Variants in RPTN observed in about 807,000 individuals in gnomAD.
RPTN encodes the protein intermediate filament-associated protein.
A neutral mutation model predicts 3.6 loss-of-function variants in RPTN; 4 were observed. The observed-to-expected ratio is 1.12, with a 90% CI of 0.55 to 2.55. The LOEUF (loss-of-function observed/expected upper bound fraction) is 2.55, where lower values mean the gene tolerates loss of function less well. RPTN is among the 30% of genes most tolerant of loss of function. The probability of loss-of-function intolerance (pLI) is 0.02; values close to 1 mark genes in which losing one functional copy is unlikely to be tolerated. For missense variants in RPTN, 860 were observed against 916.7 expected (o/e 0.94, Z 0.80); for synonymous variants, 293 against 319.3 (o/e 0.92, Z 0.88).
Position 152,154,650 on chromosome 1 carries a change from G to C in RPTN, c.*94C>G. The C allele has an allele frequency of 6.6e-7, 1 of 1,509,498 alleles. No homozygotes were observed. Among genetic ancestry groups the C allele is most frequent in the Non-Finnish European group, 8.9e-7 (1 of 1,119,254 alleles). The allele number at this position is 1,509,498 out of a possible 1,614,324, so 93.5% of individuals were successfully genotyped here. A position where few individuals can be genotyped will look rare whatever the true frequency, so the allele number is the denominator to read the frequency against. ...CTTCTGTGGGTCACTTGGGATTTTT[G>C]ATTCTGAGATCCTTGATACCTCTCT... is the stretch of plus-strand genomic sequence containing the variant. On this transcript the variant is annotated 3_prime_UTR_variant, in exon 3 of 3. Transcript: ENST00000316073.
rs770379615 is a variant in RPTN at position 152,156,967 on chromosome 1, G to A, written c.139-7C>T. 6.2e-7 allele frequency: 1 copy of A among 1,605,024 alleles called. No individual in the cohort carries two copies. The highest frequency in any genetic ancestry group is 1.1e-5 in the South Asian group (1 of 89,638). ...TCTCTGGGTCATTTGGTCTCTGTTA[G>A]GAGATAAAACAAAGAGCAAAATCAG... On this transcript the variant is annotated splice_polypyrimidine_tract_variant and splice_region_variant and intron_variant, in intron 2 of 2. Coordinates refer to ENST00000316073, the MANE Select transcript of RPTN (RefSeq NM_001122965.1).
chr1:152,157,765 C>T lies in RPTN; in HGVS notation c.125G>A (p.Gly42Glu), dbSNP rs1429105342. 6.2e-7 allele frequency: 1 copy of T among 1,613,954 alleles called. No individual in the cohort carries two copies. The highest frequency in any genetic ancestry group is 1.1e-5 in the South Asian group (1 of 91,062). Residue 42 changes from glycine (G) to glutamate (E), a missense_variant, in exon 2 of 3, where the codon GGA becomes GAA. Physicochemically the swap from Gly to Glu is moderately conservative, Grantham distance 98 (BLOSUM62 -2). Coordinates refer to ENST00000316073, the MANE Select transcript of RPTN (RefSeq NM_001122965.1). ...TGTGTATCTTACCTGGAGGATGTCT[C>T]CAAACTCAGCCAAGAGCAGTTGTTT... ...ELKQLLLAEF[G>E]DILQRPNDPE...
rs767168447 is a variant in RPTN at position 152,154,713 on chromosome 1, G to A, written c.*31C>T. ...TTTTGTCTATTATGTTGTTGCTGAT[G>A]GTTTTGATCCTCTTCATGAGTTTGC... On this transcript the variant is annotated 3_prime_UTR_variant, in exon 3 of 3. Transcript: ENST00000316073. 6.2e-7 allele frequency: 1 copy of A among 1,608,684 alleles called. No homozygotes were observed. The highest frequency in any genetic ancestry group is 8.5e-7 in the Non-Finnish European group (1 of 1,176,914).
Position 152,156,501 on chromosome 1 carries a change from G to T in RPTN, c.598C>A (p.Gln200Lys), listed in dbSNP as rs554336591. The change falls in exon 3 of 3, where the codon CAA becomes AAA. Residue 200 changes from glutamine (Q) to lysine (K), a missense_variant. Physicochemically the swap from Gln to Lys is moderately conservative, Grantham distance 53. Transcript: ENST00000316073. Reference protein sequence around the residue: ...KDFSFDQSERQSQDSSSGKKV... With the variant: ...KDFSFDQSERKSQDSSSGKKV... The stretch of plus-strand genomic sequence containing the variant: ...TTACCAGAGCTGGAGTCTTGACTTT[G>T]TCTCTCTGACTGATCAAAGCTGAAA... 6.2e-7 allele frequency: 1 copy of T among 1,614,222 alleles called. No individual in the cohort carries two copies. The highest frequency in any genetic ancestry group is 1.3e-5 in the African/African-American group (1 of 75,052).
rs369805852 is a variant in RPTN, at chr1:152,156,616, A to G, written c.483T>C (p.Ser161=). 1.4e-5 allele frequency: 15 copies of G among 1,040,742 alleles called. No individual in the cohort carries two copies. The African/African-American group carries it at 3.1e-4, about 21-fold the overall frequency. 64.5% of individuals were successfully genotyped at this position (1,040,742 alleles called of 1,614,324 possible). The stretch of plus-strand genomic sequence containing the variant: ...GGTGGGAATCTCTGTCTTGTTTCTC[A>G]GACTGACCATGGTGGGAATCTCTGT... ...RQDRDSHHGQ[S]EKQDRDSHHS... The change falls in exon 3 of 3, where the codon TCT becomes TCC. Residue 161 remains serine, a synonymous_variant. Coordinates refer to ENST00000316073, the MANE Select transcript of RPTN (RefSeq NM_001122965.1).
rs1481177087 is a variant in RPTN, at chr1:152,156,973, A to G, written c.139-13T>C. 1 of 1,600,742 alleles carries G rather than the reference A, an allele frequency of 6.2e-7. No individual in the cohort carries two copies. The highest frequency in any genetic ancestry group is 1.1e-5 in the South Asian group (1 of 88,890). On this transcript the variant is annotated splice_polypyrimidine_tract_variant and intron_variant, in intron 2 of 2. Coordinates refer to ENST00000316073, the MANE Select transcript of RPTN (RefSeq NM_001122965.1). ...GGTCATTTGGTCTCTGTTAGGAGATAAAACAAAGAGCAAAATCAGATGCTG... is the reference window on the plus strand; with the variant it reads ...GGTCATTTGGTCTCTGTTAGGAGATGAAACAAAGAGCAAAATCAGATGCTG...
At chr1:152,158,987 G>T (rs573028235) in intron 1 of RPTN, among the ~76,000 whole-genome samples, 197 bp downstream of exon 1, 14 of 152,250 alleles carry the variant, frequency 9.2e-5, no homozygotes, top group Admixed American at 2.6e-4. Context: ...TGAAGTGAAG[G>T]CATTTGCATT....
Position 152,155,264 on chromosome 1 carries a change from T to G in RPTN, c.1835A>C (p.Gln612Pro). The change falls in exon 3 of 3, where the codon CAA becomes CCA. Residue 612 changes from glutamine (Q) to proline (P), a missense_variant. Coordinates refer to ENST00000316073, the MANE Select transcript of RPTN (RefSeq NM_001122965.1). ...ACTTAGCCTCCCTGATCTTCCTGAT[T>G]GTTCAACATAAGAGGCTTTTCTTGT... ...EGTRKASYVE[Q>P]SGRSGRLSQQ... The G allele has an allele frequency of 6.2e-7, 1 of 1,614,242 alleles. No individual in the cohort carries two copies. The highest frequency in any genetic ancestry group is 8.5e-7 in the Non-Finnish European group (1 of 1,180,040).
In RPTN at chr1:152,156,791, C is replaced by T; in HGVS notation, c.308G>A (p.Arg103Lys). Reference sequence around the variant, plus strand: ...ACAGTCTTGTGCTCCTTCCTGCCCCCTTTCTTGCTGTGAGGTCCTGCCTCC... The same window carrying T: ...ACAGTCTTGTGCTCCTTCCTGCCCCTTTTCTTGCTGTGAGGTCCTGCCTCC... ...SHGGRTSQQE[R>K]GQEGAQDCKF... The change falls in exon 3 of 3, where the codon AGG (arginine) becomes AAG (lysine). Residue 103 changes from arginine (R) to lysine (K), a missense_variant. Transcript: ENST00000316073. 6.2e-7 allele frequency: 1 copy of T among 1,614,190 alleles called. No homozygotes were observed. Among genetic ancestry groups the T allele is most frequent in the Non-Finnish European group, 8.5e-7 (1 of 1,180,026 alleles).
chr1:152,158,500 A>G (rs116507158), intron 1 of RPTN, among the ~76,000 whole-genome samples: 2,255 of 152,322 alleles, frequency 0.015, 66 homozygotes, highest in African/African-American at 0.051. Flanking sequence ...ATCAATGAAT[A>G]TAAAAGCTGT....
rs975960707 is a variant in RPTN at position 152,156,193 on chromosome 1, G to T, written c.906C>A (p.Asp302Glu). 3 of 1,613,168 alleles carry T rather than the reference G, an allele frequency of 1.9e-6. No homozygotes were observed. The Admixed American group carries it at 5.0e-5, about 27-fold the overall frequency. The change falls in exon 3 of 3, where the codon GAC becomes GAA. Residue 302 changes from aspartate (D) to glutamate (E), a missense_variant. Transcript: ENST00000316073. ...CTGTCTGACCATAATGATAACTCTG[G>T]TCTTGTCTGTCCGTCTGACCGTAGT... ...SSHYGQTDRQ[D>E]QSYHYGQTDR...
Position 152,156,293 on chromosome 1 carries a change from G to A in RPTN, c.806C>T (p.Ser269Phe), listed in dbSNP as rs1221700686. 2 of 1,614,222 alleles carry A rather than the reference G, an allele frequency of 1.2e-6. No individual in the cohort carries two copies. The highest frequency in any genetic ancestry group is 2.2e-5 in the East Asian group (1 of 44,884). ...FNQTNQQKSG[S>F]YCGQSERLGQ... The stretch of plus-strand genomic sequence containing the variant: ...TAGCCTCTCAGACTGTCCACAATAA[G>A]AGCCTGATTTCTGTTGATTTGTCTG... The change falls in exon 3 of 3, where the codon TCT becomes TTT. Residue 269 changes from serine (S) to phenylalanine (F), a missense_variant. Transcript: ENST00000316073.
At chr1:152,158,061 G>A (rs570560664) in intron 1 of RPTN, among the ~76,000 whole-genome samples, 152 bp from the exon 2 acceptor site, 360 of 152,232 alleles carry the variant, frequency 2.4e-3, no homozygotes, top group South Asian at 4.8e-3. Flanking sequence ...CTGACTCACA[G>A]TCGGGGACCA....
Position 152,157,743 on chromosome 1 carries a change from G to C in RPTN, c.138+9C>G, listed in dbSNP as rs1659236703. The C allele has an allele frequency of 3.7e-6, 6 of 1,613,774 alleles. No individual in the cohort carries two copies. The highest frequency in any genetic ancestry group is 5.1e-6 in the Non-Finnish European group (6 of 1,179,806). ...TGATCTCATGGGGCTGTGTGTCTGT[G>C]TATCTTACCTGGAGGATGTCTCCAA... On this transcript the variant is annotated intron_variant, in intron 2 of 2. Coordinates refer to ENST00000316073, the MANE Select transcript of RPTN (RefSeq NM_001122965.1).
chr1:152,158,017 G>C, intron 1 of RPTN, 108 bp from the exon 2 acceptor site: 1 of 862,612 alleles, frequency 1.2e-6, no homozygotes, highest in South Asian at 1.6e-5. Flanking sequence ...TAAGAAGTGA[G>C]AGAGCCCCTT....
At chr1:152,157,035 C>A in intron 2 of RPTN, 75 bp from the exon 3 acceptor site, 1 of 1,313,782 alleles carries the variant, frequency 7.6e-7, no homozygotes, top group South Asian at 1.3e-5. Flanking sequence ...GTGTTCATGC[C>A]CCAATCCATT....
chr1:152,156,160 T>C lies in RPTN; in HGVS notation c.939A>G (p.Gln313=). 1.2e-6 allele frequency: 2 copies of C among 1,614,064 alleles called. No homozygotes were observed. Among genetic ancestry groups the C allele is most frequent in the Non-Finnish European group, 1.7e-6 (2 of 1,179,986 alleles). Residue 313 remains glutamine, a synonymous_variant, in exon 3 of 3, where the codon CAA becomes CAG. Coordinates refer to ENST00000316073, the MANE Select transcript of RPTN (RefSeq NM_001122965.1). ...QSYHYGQTDR[Q]GQSSHYSQTD... ...TCTGACTGTAGTGGGAACTCTGGCC[T>C]TGTCTGTCTGTCTGACCATAATGAT... is the stretch of plus-strand genomic sequence containing the variant.
Position 152,156,362 on chromosome 1 carries a change from T to C in RPTN, c.737A>G (p.His246Arg), listed in dbSNP as rs75497821. The C allele has an allele frequency of 1.2e-6, 2 of 1,614,278 alleles. No individual in the cohort carries two copies. The highest frequency in any genetic ancestry group is 8.5e-7 in the Non-Finnish European group (1 of 1,180,056). ...TCCAAGTGTTTCAGATTGTTGTGTA[T>C]GTCTTTCAGACTGACCATAATGAGA... ...QDSHYGQSER[H>R]TQQSETLGQA... Residue 246 changes from histidine (H) to arginine (R), a missense_variant, in exon 3 of 3, where the codon CAT becomes CGT. Coordinates refer to ENST00000316073, the MANE Select transcript of RPTN (RefSeq NM_001122965.1).
chr1:152,155,882 G>T lies in RPTN; in HGVS notation c.1217C>A (p.Thr406Lys). 1 of 1,613,762 alleles carries T rather than the reference G, an allele frequency of 6.2e-7. No homozygotes were observed. The highest frequency in any genetic ancestry group is 1.7e-5 in the Admixed American group (1 of 59,984). Residue 406 changes from threonine (T) to lysine (K), a missense_variant, in exon 3 of 3, where the codon ACA becomes AAA. By Grantham distance (78) the Thr-to-Lys change is moderately conservative (BLOSUM62 -1). Transcript: ENST00000316073. ...RQDQSSHYGQTERQGQSSHYS... is the reference protein window; with the variant it reads ...RQDQSSHYGQKERQGQSSHYS... ...GTGGGAACTCTGGCCTTGTCTCTCT[G>T]TCTGACCATAGTGAGAACTTTGGTC...
Sources: allele counts gnomAD v4.1 joint callset (sites outside exome capture counted in the v4.1 genomes callset), GRCh38; gene constraint gnomAD v4.1.1; transcripts MANE v1.5; gene names NCBI Gene and HGNC (gene_info 2026-07-23, HGNC 2026-07-21).